The following DLGAP2 variants were observed in gnomAD, a reference collection of about 807,000 sequenced individuals.
DLGAP2 encodes the protein DLG associated protein 2.
Under a neutral mutation model 100.3 loss-of-function variants are expected in DLGAP2, and 26 were observed. The observed-to-expected ratio is 0.26, with a 90% CI of 0.19 to 0.36. The LOEUF (loss-of-function observed/expected upper bound fraction) is 0.36, where lower values mean the gene tolerates loss of function less well. DLGAP2 is among the 10% of genes least tolerant of loss of function. DLGAP2 has a pLI of 1.00. For missense variants in DLGAP2, 1,858 were observed against 1,453.2 expected (o/e 1.28, Z -4.53); for synonymous variants, 886 against 630.1 (o/e 1.41, Z -6.08).
At chr8:1,205,064 G>T (rs764889018) in intron 2 of DLGAP2, among the ~76,000 whole-genome samples, 7 of 152,188 alleles carry the variant, frequency 4.6e-5, no homozygotes, top group African/African-American at 7.2e-5. Context: ...ATGGGGAACC[G>T]GAATGTGGTT....
chr8:1,276,516 C>T (rs1799701058), intron 3 of DLGAP2, among the ~76,000 whole-genome samples: 1 of 152,168 alleles, frequency 6.6e-6, no homozygotes, highest in Admixed American at 6.5e-5. Flanking sequence ...TGTATCTTCA[C>T]ATGTTCGGCC....
chr8:1,065,735 G>A (rs1803224367), intron 2 of DLGAP2, among the ~76,000 whole-genome samples: 1 of 152,140 alleles, frequency 6.6e-6, no homozygotes, highest in South Asian at 2.1e-4. Context: ...TCCCATTTAA[G>A]TACATCGTTT....
At position 737,629 on chromosome 8, in the gene DLGAP2, G is replaced by A. The variant is rs1487929540; in HGVS notation, c.-179G>A. ...CGAGTGCGCAGGCGCCGGCCGTGAA[G>A]ACCGACCGTGCGCCGGGCTCGAGCG... On this transcript the variant is annotated 5_prime_UTR_variant, in exon 1 of 15. Transcript: ENST00000637795. 2.9e-6 allele frequency: 1 copy of A among 342,240 alleles called. No individual in the cohort carries two copies. Among genetic ancestry groups the A allele is most frequent in the Non-Finnish European group, 5.3e-6 (1 of 190,074 alleles). 21.2% of individuals were successfully genotyped at this position (342,240 alleles called of 1,614,324 possible).
chr8:1,408,432 G>T (rs954257334), intron 3 of DLGAP2, among the ~76,000 whole-genome samples: 1 of 140,340 alleles, frequency 7.1e-6, no homozygotes, highest in African/African-American at 2.7e-5. Context: ...GGGGCCTTGC[G>T]TAATCTCCAC....
At chr8:1,363,563 G>A (rs1189176849) in intron 3 of DLGAP2, among the ~76,000 whole-genome samples, 2 of 152,216 alleles carry the variant, frequency 1.3e-5, no homozygotes, top group Non-Finnish European at 2.9e-5. Context: ...GGCATTTCCA[G>A]AGGAACTTGG....
intron 2 of DLGAP2, among the ~76,000 whole-genome samples, chr8:962,725 C>CTA (rs2129010405): frequency 1.3e-5 from 2 of 152,298 alleles, no homozygotes; most frequent in South Asian, 4.1e-4. Context: ...ACATGATGTG[C>CTA]TATGACTCCA....
intron 2 of DLGAP2, chr8:1,032,940 G>A (rs375775497): frequency 8.0e-4 from 122 of 152,370 alleles, no homozygotes; most frequent in African/African-American, 2.8e-3. Context: ...TACTCCATGT[G>A]TTCTGCCTGA....
chr8:1,551,749 C>T (rs759841674), intron 5 of DLGAP2, among the ~76,000 whole-genome samples: 3 of 152,172 alleles, frequency 2.0e-5, no homozygotes, highest in African/African-American at 7.2e-5. Flanking sequence ...CAGACAGATA[C>T]AACTGTAAAT....
intron 2 of DLGAP2, among the ~76,000 whole-genome samples, chr8:1,028,549 T>G (rs896531033): frequency 1.3e-5 from 2 of 152,244 alleles, no homozygotes; most frequent in Non-Finnish European, 1.5e-5. Flanking sequence ...CCAGGTGCAG[T>G]GCCAGGTGCC....
At chr8:1,314,902 T>A (rs1800695031) in intron 3 of DLGAP2, among the ~76,000 whole-genome samples, 1 of 152,232 alleles carries the variant, frequency 6.6e-6, no homozygotes, top group Non-Finnish European at 1.5e-5. Flanking sequence ...AAATACTACA[T>A]GTTTCCTTTT....
chr8:1,103,406 TTTAACGGTGATGACTGGCAGGGCTTTGG>T (rs748933710), intron 2 of DLGAP2, among the ~76,000 whole-genome samples: 25 of 118,798 alleles, frequency 2.1e-4, no homozygotes, highest in Non-Finnish European at 3.3e-4. Context: ...CAGGGCCTTG[TTTAACGGTGATGACTGGCAGGGCTTTGG>T]TTAACGGTGA....
intron 3 of DLGAP2, among the ~76,000 whole-genome samples, chr8:1,421,957 C>T (rs1393600624): frequency 6.6e-6 from 1 of 151,946 alleles, no homozygotes; most frequent in African/African-American, 2.4e-5. Context: ...CAAAGTGAGA[C>T]TCCATCTCAA....
At chr8:1,066,877 T>C (rs1456072181) in intron 2 of DLGAP2, among the ~76,000 whole-genome samples, 2 of 152,178 alleles carry the variant, frequency 1.3e-5, no homozygotes, top group East Asian at 3.9e-4. Context: ...AGTCCCAATT[T>C]CTTCTTAAGT....
chr8:1,490,434 A>AT (rs961247571), intron 3 of DLGAP2, among the ~76,000 whole-genome samples: 55 of 152,162 alleles, frequency 3.6e-4, no homozygotes, highest in Admixed American at 1.3e-4. Context: ...CAAAGTGAAT[A>AT]TTTTTTTATG....
At chr8:1,657,811 A>G (rs1258429231) in intron 8 of DLGAP2, among the ~76,000 whole-genome samples, 1 of 152,260 alleles carries the variant, frequency 6.6e-6, no homozygotes, top group Non-Finnish European at 1.5e-5. Flanking sequence ...AATATTGCCA[A>G]TATAAGGAAA....
chr8:1,187,006 G>A (rs181655200), intron 2 of DLGAP2, among the ~76,000 whole-genome samples: 33 of 152,260 alleles, frequency 2.2e-4, no homozygotes, highest in African/African-American at 6.0e-4. Context: ...TCTAAGCCCG[G>A]CCTCAGTGCA....
chr8:930,581 A>G (rs1798932309), intron 2 of DLGAP2, among the ~76,000 whole-genome samples: 1 of 152,226 alleles, frequency 6.6e-6, no homozygotes, highest in African/African-American at 2.4e-5. Flanking sequence ...GGAAACCTGC[A>G]AAGACTACCT....
intron 3 of DLGAP2, among the ~76,000 whole-genome samples, chr8:1,305,430 C>T (rs1162213222): frequency 6.6e-6 from 1 of 152,126 alleles, no homozygotes; most frequent in Non-Finnish European, 1.5e-5. Flanking sequence ...TTACAGTTTT[C>T]ATGAGATGTA....
At chr8:1,068,750 A>G (rs1191740889) in intron 2 of DLGAP2, among the ~76,000 whole-genome samples, 1 of 152,098 alleles carries the variant, frequency 6.6e-6, no homozygotes, top group African/African-American at 2.4e-5. Context: ...GGTCCGGGAT[A>G]TGCCTGGGGT....
Sources: gnomAD v4.1 joint callset for allele counts (sites outside exome capture counted in the v4.1 genomes callset) on GRCh38, gnomAD v4.1.1 for gene constraint, MANE v1.5 for transcripts, NCBI Gene and HGNC (gene_info 2026-07-23, HGNC 2026-07-21) for gene names.